The following CCDC141 variants were observed in gnomAD, a reference collection of about 807,000 sequenced individuals.
CCDC141 encodes coiled-coil domain-containing protein 141.
CCDC141 carries 168 observed loss-of-function variants against 181.0 expected under a neutral mutation model. That is an observed-to-expected ratio of 0.93 (90% CI 0.82 to 1.05). CCDC141 has a LOEUF of 1.05. CCDC141 is among the 50% of genes least tolerant of loss of function. CCDC141 has a pLI of 0.00. For missense variants in CCDC141, 1,902 were observed against 1,788.5 expected (o/e 1.06, Z -1.14); for synonymous variants, 666 against 642.3 (o/e 1.04, Z -0.56).
chr2:178,972,926 T>C (rs150021243), intron 4 of CCDC141, among the ~76,000 whole-genome samples: 720 of 152,294 alleles, frequency 4.7e-3, no homozygotes, highest in African/African-American at 0.017. Flanking sequence ...GTGAAGCTAA[T>C]TGAAATAAAG....
chr2:178,916,843 G>A (rs541829687), intron 7 of CCDC141, among the ~76,000 whole-genome samples: 30 of 152,034 alleles, frequency 2.0e-4, no homozygotes, highest in East Asian at 3.9e-4. Context: ...TCTAGAAATC[G>A]AAAGTCTTTG....
chr2:178,912,731 T>A (rs1688274271), intron 7 of CCDC141, among the ~76,000 whole-genome samples: 1 of 152,200 alleles, frequency 6.6e-6, no homozygotes, highest in Non-Finnish European at 1.5e-5. Flanking sequence ...TAGAAACTCC[T>A]TAGCATGCTA....
intron 5 of CCDC141, among the ~76,000 whole-genome samples, chr2:178,946,912 T>C (rs1031524166): frequency 6.6e-6 from 1 of 152,208 alleles, no homozygotes; most frequent in African/African-American, 2.4e-5. Context: ...ACTCTCTAGA[T>C]CTACAAATTT....
intron 5 of CCDC141, among the ~76,000 whole-genome samples, chr2:178,945,330 T>G (rs1255964435): frequency 6.6e-6 from 1 of 152,202 alleles, no homozygotes; most frequent in African/African-American, 2.4e-5. Flanking sequence ...GAATCCTGTA[T>G]AGCATTGTCC....
At chr2:178,817,687 G>GA in the CCDC141 span, 2 of 371,114 alleles carry the variant, frequency 5.4e-6, no homozygotes, top group Non-Finnish European at 1.1e-5. Flanking sequence ...CATACTAAAA[G>GA]GAAAAGGAAA....
chr2:179,047,715 A>T (rs1395263299), intron 1 of CCDC141, among the ~76,000 whole-genome samples: 1 of 152,242 alleles, frequency 6.6e-6, no homozygotes, highest in Non-Finnish European at 1.5e-5. Flanking sequence ...ATTATTGAAT[A>T]TTATAAAGTT....
At chr2:178,864,496 T>C (rs1168265603) in intron 17 of CCDC141, among the ~76,000 whole-genome samples, 1 of 152,166 alleles carries the variant, frequency 6.6e-6, no homozygotes, top group Non-Finnish European at 1.5e-5. Context: ...TAGCCAAAAG[T>C]AACTCCCTGG....
Position 178,853,631 on chromosome 2 carries a change from T to C in CCDC141, c.3061-7A>G. 1.2e-6 allele frequency: 2 copies of C among 1,610,096 alleles called. No individual in the cohort carries two copies. Among genetic ancestry groups the C allele is most frequent in the South Asian group, 2.2e-5 (2 of 90,820 alleles). On this transcript the variant is annotated splice_region_variant and splice_polypyrimidine_tract_variant and intron_variant, in intron 19 of 23. Coordinates refer to ENST00000443758, the MANE Select transcript of CCDC141 (RefSeq NM_173648.4). ...CTTCGTACCAAAAATGACACTAAAT[T>C]TAAATGGGATAAAGCACAGATGAAA...
chr2:179,033,892 C>T (rs918156821), intron 2 of CCDC141, among the ~76,000 whole-genome samples: 1 of 152,156 alleles, frequency 6.6e-6, no homozygotes, highest in Non-Finnish European at 1.5e-5. Context: ...CTGGCTTAAA[C>T]TTCTGAATTT....
intron 6 of CCDC141, among the ~76,000 whole-genome samples, chr2:178,925,679 T>C (rs967290167): frequency 2.6e-5 from 4 of 152,190 alleles, no homozygotes; most frequent in Admixed American, 2.6e-4. Flanking sequence ...CGTTTTCTTC[T>C]AGTTAAGTAA....
intron 6 of CCDC141, among the ~76,000 whole-genome samples, chr2:178,934,613 T>C (rs980005030): frequency 6.6e-6 from 1 of 152,212 alleles, no homozygotes; most frequent in Non-Finnish European, 1.5e-5. Flanking sequence ...ACATCCTGAA[T>C]AAAGTATCAC....
intron 1 of CCDC141, among the ~76,000 whole-genome samples, chr2:179,048,133 A>T (rs529350060): frequency 1.1e-4 from 17 of 152,362 alleles, no homozygotes; most frequent in African/African-American, 3.6e-4. Context: ...TCTAAGAAGC[A>T]ACAACTCATT....
Position 178,947,023 on chromosome 2 carries a change from A to G in CCDC141, c.781-2372T>C, listed in dbSNP as rs553590931. 2.5e-4 allele frequency among the ~76,000 whole-genome samples: 38 copies of G among 152,320 alleles called. 1 individual carries two copies. In the South Asian group the frequency reaches 7.2e-3, roughly 29 times the overall value. On this transcript the variant is annotated intron_variant, in intron 5 of 23. Coordinates refer to ENST00000443758, the MANE Select transcript of CCDC141 (RefSeq NM_173648.4). Reference sequence around the variant, plus strand: ...AGGGTGTTACATCTCATTATGAGGTATTCATACACAGGAGCAGACTCTTCG... The same window carrying G: ...AGGGTGTTACATCTCATTATGAGGTGTTCATACACAGGAGCAGACTCTTCG...
intron 6 of CCDC141, among the ~76,000 whole-genome samples, chr2:178,941,103 C>T (rs1050311275): frequency 2.0e-5 from 3 of 152,188 alleles, no homozygotes; most frequent in Admixed American, 6.5e-5. Flanking sequence ...GACAACTCTC[C>T]TTAGCCTCTC....
intron 7 of CCDC141, among the ~76,000 whole-genome samples, chr2:178,916,486 A>G (rs1257595736): frequency 3.3e-5 from 5 of 151,858 alleles, no homozygotes; most frequent in East Asian, 3.8e-4. Context: ...TTTACACGAC[A>G]TAATTTCATC....
At chr2:178,889,266 T>C (rs1270652424) in intron 8 of CCDC141, among the ~76,000 whole-genome samples, 1 of 151,862 alleles carries the variant, frequency 6.6e-6, no homozygotes, top group Non-Finnish European at 1.5e-5. Context: ...GTTGGCCTCA[T>C]GAGACAAAGA....
chr2:179,040,670 C>A (rs184871775), intron 2 of CCDC141, among the ~76,000 whole-genome samples: 1 of 152,284 alleles, frequency 6.6e-6, no homozygotes, highest in African/African-American at 2.4e-5. Context: ...TTGCTAAGGA[C>A]AATGGACTCC....
downstream of CCDC141, among the ~76,000 whole-genome samples, chr2:178,826,339 G>GTAATTATATT (rs1684125096): frequency 6.6e-6 from 1 of 152,122 alleles, no homozygotes; most frequent in Non-Finnish European, 1.5e-5. Context: ...GTGTTGTGTT[G>GTAATTATATT]AGGATTTTTG....
At chr2:179,012,522 C>T (rs994739413) in intron 2 of CCDC141, among the ~76,000 whole-genome samples, 3 of 152,036 alleles carry the variant, frequency 2.0e-5, no homozygotes, top group Admixed American at 1.3e-4. Flanking sequence ...GGATTCACAG[C>T]AGAATTATAC....
Sources: gnomAD v4.1 joint callset for allele counts (sites outside exome capture counted in the v4.1 genomes callset) on GRCh38, gnomAD v4.1.1 for gene constraint, MANE v1.5 for transcripts, NCBI Gene and HGNC (gene_info 2026-07-23, HGNC 2026-07-21) for gene names.